The following JAK3 variants were observed in gnomAD, a reference collection of about 807,000 sequenced individuals.
JAK3 encodes the protein Janus kinase 3.
In JAK3, 88 loss-of-function variants were observed where a neutral mutation model predicts 120.8. The ratio of observed to expected loss-of-function variants is 0.73; its 90% CI spans 0.61 to 0.87. The LOEUF (loss-of-function observed/expected upper bound fraction) is 0.87. Among genes scored for constraint, JAK3 ranks in the 40% least tolerant of loss-of-function variants. JAK3 has a pLI of 0.00. For missense variants in JAK3, 1,254 were observed against 1,501.4 expected (o/e 0.84, Z 2.72); for synonymous variants, 592 against 628.6 (o/e 0.94, Z 0.87).
Position 17,843,993 on chromosome 19 carries a change from C to T in JAK3, c.185-93G>A. The T allele has an allele frequency of 6.6e-7, 1 of 1,503,894 alleles. No individual in the cohort carries two copies. Among genetic ancestry groups the T allele is most frequent in the Non-Finnish European group, 9.1e-7 (1 of 1,099,654 alleles). The allele number at this position is 1,503,894 out of a possible 1,614,324, so 93.2% of individuals were successfully genotyped here. Reference sequence around the variant, plus strand: ...TCATACCCAACCGTCCAGATCCTTCCATACCTCAAGGTATGACCAGCTGTT... The same window carrying T: ...TCATACCCAACCGTCCAGATCCTTCTATACCTCAAGGTATGACCAGCTGTT... On this transcript the variant is annotated intron_variant, in intron 2 of 23. Coordinates refer to ENST00000458235, the MANE Select transcript of JAK3 (RefSeq NM_000215.4). The surrounding 1 kb of genome is among the most constrained non-coding windows in gnomAD (Gnocchi z 5.4).
Position 17,840,317 on chromosome 19 carries a change from G to A in JAK3, c.1167C>T (p.Leu389=), listed in dbSNP as rs780734541. 1 of 1,613,828 alleles carries A rather than the reference G, an allele frequency of 6.2e-7. No individual in the cohort carries two copies. Among genetic ancestry groups the A allele is most frequent in the East Asian group, 2.2e-5 (1 of 44,866 alleles). ...PITLDFAINK[L]KTGGSRPGSY... Reference sequence around the variant, plus strand: ...AGCCAGGACGTGAGCCCCCAGTCTTGAGCTTGTTGATGGCAAAGTCCAGAC... The same window carrying A: ...AGCCAGGACGTGAGCCCCCAGTCTTAAGCTTGTTGATGGCAAAGTCCAGAC... The change falls in exon 9 of 24, where the codon CTC becomes CTT. Residue 389 remains leucine, a synonymous_variant. Coordinates refer to ENST00000458235, the MANE Select transcript of JAK3 (RefSeq NM_000215.4).
intron 10 of JAK3, 101 bp from the exon 11 acceptor site, chr19:17,838,491 G>A (rs959660766): frequency 1.6e-5 from 21 of 1,353,038 alleles, no homozygotes; most frequent in Non-Finnish European, 1.9e-5. Flanking sequence ...TCTAGAAGCC[G>A]ACCCTGAGAT....
rs2094215830 is a variant in JAK3, at chr19:17,832,283, A to C, written c.2680+236T>G. On this transcript the variant is annotated intron_variant, in intron 19 of 23. Coordinates refer to ENST00000458235, the MANE Select transcript of JAK3 (RefSeq NM_000215.4). This position sits in a 1 kb window ranked among gnomAD's most constrained non-coding sequence, Gnocchi z 4.7. ...CTCAAAAAAACAAACAAACAACAACAACAACAAAGTAAATATCACAATGGC... is the reference window on the plus strand; with the variant it reads ...CTCAAAAAAACAAACAAACAACAACCACAACAAAGTAAATATCACAATGGC... 6.6e-6 allele frequency among the ~76,000 whole-genome samples: 1 copy of C among 152,108 alleles called. No homozygotes were observed. Among genetic ancestry groups the C allele is most frequent in the Non-Finnish European group, 1.5e-5 (1 of 68,014 alleles).
At chr19:17,834,275 G>A (rs1027449278) in intron 17 of JAK3, among the ~76,000 whole-genome samples, 9 of 151,656 alleles carry the variant, frequency 5.9e-5, no homozygotes, top group Admixed American at 1.3e-4. Context: ...TGAACTAGAG[G>A]TTCAAGGAGG....
chr19:17,844,433 G>A lies in JAK3; in HGVS notation c.-13-3C>T. ...GAGGTGCCATGAGTGCAACTTGCCT[G>A]GGGCACAGAGAGAAAAAGCCCCTCA... On this transcript the variant is annotated splice_polypyrimidine_tract_variant and splice_region_variant and intron_variant, in intron 1 of 23. Coordinates refer to ENST00000458235, the MANE Select transcript of JAK3 (RefSeq NM_000215.4). 1 of 1,602,456 alleles carries A rather than the reference G, an allele frequency of 6.2e-7. No homozygotes were observed. The highest frequency in any genetic ancestry group is 8.5e-7 in the Non-Finnish European group (1 of 1,175,196).
intron 11 of JAK3, 27 bp from the exon 12 acceptor site, chr19:17,838,090 G>A (rs527593729): frequency 8.1e-6 from 13 of 1,614,056 alleles, no homozygotes; most frequent in African/African-American, 8.0e-5. Flanking sequence ...CAGCAGAAGA[G>A]GCCAGTGAGG....
intron 10 of JAK3, 124 bp from the exon 11 acceptor site, chr19:17,838,514 G>A (rs776047660): frequency 2.8e-5 from 29 of 1,031,428 alleles, no homozygotes; most frequent in Non-Finnish European, 3.6e-5. Context: ...AGACTTCAGG[G>A]CACATGGCTT....
Position 17,831,508 on chromosome 19 carries a change from C to A in JAK3, c.2806-108G>T. Reference sequence around the variant, plus strand: ...CAGACCCCAACTATAACCCTACCCCCGAGCCATCCTCCACTGAAGTTCTGA... The same window carrying A: ...CAGACCCCAACTATAACCCTACCCCAGAGCCATCCTCCACTGAAGTTCTGA... On this transcript the variant is annotated intron_variant, in intron 20 of 23. Coordinates refer to ENST00000458235, the MANE Select transcript of JAK3 (RefSeq NM_000215.4). The surrounding 1 kb of genome is among the most constrained non-coding windows in gnomAD (Gnocchi z 5.1). The A allele has an allele frequency of 9.2e-6, 14 of 1,529,828 alleles. No individual in the cohort carries two copies. The highest frequency in any genetic ancestry group is 1.2e-5 in the Non-Finnish European group (14 of 1,128,794). 94.8% of individuals were successfully genotyped at this position (1,529,828 alleles called of 1,614,324 possible).
Position 17,841,833 on chromosome 19 carries a change from C to T in JAK3, c.862-71G>A, listed in dbSNP as rs2094240022. ...GCCAAACCACGCCCATGAACCCACC[C>T]CCAAGCCACACCATCCACTCCCTAT... On this transcript the variant is annotated intron_variant, in intron 6 of 23. Coordinates refer to ENST00000458235, the MANE Select transcript of JAK3 (RefSeq NM_000215.4). This position sits in a 1 kb window ranked among gnomAD's most constrained non-coding sequence, Gnocchi z 4.1. The T allele has an allele frequency of 1.9e-6, 3 of 1,589,680 alleles. No individual in the cohort carries two copies. The highest frequency in any genetic ancestry group is 2.7e-5 in the African/African-American group (2 of 74,634).
At chr19:17,839,128 A>G in intron 10 of JAK3, 1 of 413,726 alleles carries the variant, frequency 2.4e-6, no homozygotes, top group Admixed American at 3.1e-5. Flanking sequence ...GGCACTGTGG[A>G]CAACCAGGGA....
intron 1 of JAK3, among the ~76,000 whole-genome samples, chr19:17,845,746 C>G (rs574404565): frequency 6.6e-6 from 1 of 152,164 alleles, no homozygotes; most frequent in East Asian, 1.9e-4. Context: ...AAGACCTTAT[C>G]TCTAGAAAAA....
Position 17,835,139 on chromosome 19 carries a change from G to T in JAK3, c.1991C>A (p.Pro664Gln). ...LLAREGADGS[P>Q]PFIKLSDPGV... ...AGGGTCACTCAGCTTGATGAAGGGCGGGCTCCCATCAGCCCCCTCCCGAGC... is the reference window on the plus strand; with the variant it reads ...AGGGTCACTCAGCTTGATGAAGGGCTGGCTCCCATCAGCCCCCTCCCGAGC... Residue 664 changes from proline to glutamine, a missense_variant, in exon 15 of 24, where the codon CCG becomes CAG. By Grantham distance (76) the Pro-to-Gln change is moderately conservative (BLOSUM62 -1). This residue lies in a region of JAK3 where 630 missense variants were observed against 819.8 expected (regional missense o/e 0.77). Transcript: ENST00000458235. 1 of 1,614,162 alleles carries T rather than the reference G, an allele frequency of 6.2e-7. No individual in the cohort carries two copies. The highest frequency in any genetic ancestry group is 8.5e-7 in the Non-Finnish European group (1 of 1,180,026).
At chr19:17,830,816 G>A (rs2094212594) in intron 21 of JAK3, among the ~76,000 whole-genome samples, 196 bp from the exon 22 acceptor site, 2 of 143,230 alleles carry the variant, frequency 1.4e-5, no homozygotes, top group African/African-American at 5.3e-5. Context: ...AGCTAAGGCT[G>A]TGGGGAGGAG....
At position 17,842,723 on chromosome 19, in the gene JAK3, C is replaced by T; in HGVS notation, c.567-113G>A. ...GGCTGGGGTGCGGCCCTAGTTGGGG[C>T]ACCAGGCACACACAGACTCTCATTC... On this transcript the variant is annotated intron_variant, in intron 5 of 23. Coordinates refer to ENST00000458235, the MANE Select transcript of JAK3 (RefSeq NM_000215.4). This position sits in a 1 kb window ranked among gnomAD's most constrained non-coding sequence, Gnocchi z 6.4. 1 of 1,111,586 alleles carries T rather than the reference C, an allele frequency of 9.0e-7. No individual in the cohort carries two copies. Among genetic ancestry groups the T allele is most frequent in the Non-Finnish European group, 1.3e-6 (1 of 795,262 alleles). 68.9% of individuals were successfully genotyped at this position (1,111,586 alleles called of 1,614,324 possible). A position where few individuals can be genotyped will look rare whatever the true frequency, so the allele number is the denominator to read the frequency against.
rs902524478 is a variant in JAK3 at position 17,832,895 on chromosome 19, G to A, written c.2385C>T (p.Ala795=). 1 of 1,614,210 alleles carries A rather than the reference G, an allele frequency of 6.2e-7. No individual in the cohort carries two copies. Among genetic ancestry groups the A allele is most frequent in the East Asian group, 2.2e-5 (1 of 44,882 alleles). ...YELLSDPTPG[A]LAPRDGLWNG... ...TCCACAGCCCATCACGAGGTGCCAG[G>A]GCACCAGGTGTGGGGTCTGAGAGGA... The change falls in exon 18 of 24, where the codon GCC becomes GCT. Residue 795 remains alanine (A), a synonymous_variant. Transcript: ENST00000458235. This position sits in a 1 kb window ranked among gnomAD's most constrained non-coding sequence, Gnocchi z 4.7.
rs772117537 is a variant in JAK3, at chr19:17,834,946, A to G, written c.2105T>C (p.Leu702Pro). ...APECLREAQTLSLEADKWGFG... is the reference protein window; with the variant it reads ...APECLREAQTPSLEADKWGFG... ...GCCCCACTTGTCAGCTTCCAAGCTA[A>G]GTGTCTGCGCCTCCCGGAGACACTC... Residue 702 changes from leucine to proline, a missense_variant, in exon 16 of 24, where the codon CTT (leucine) becomes CCT (proline). By Grantham distance (98) the Leu-to-Pro change is moderately conservative. Coordinates refer to ENST00000458235, the MANE Select transcript of JAK3 (RefSeq NM_000215.4). 1.9e-5 allele frequency: 31 copies of G among 1,614,046 alleles called. No homozygotes were observed. Among genetic ancestry groups the G allele is most frequent in the Non-Finnish European group, 2.5e-5 (29 of 1,180,044 alleles).
At chr19:17,827,385 T>C (rs546079357) in intron 23 of JAK3, among the ~76,000 whole-genome samples, 1 of 151,860 alleles carries the variant, frequency 6.6e-6, no homozygotes, top group East Asian at 2.0e-4. Flanking sequence ...TTCGCTCTTG[T>C]TGCCCAGGCT....
At position 17,842,167 on chromosome 19, in the gene JAK3, TCCCTCACTAAGCCCCGC is replaced by T; in HGVS notation, c.861+132_861+148del. The T allele has an allele frequency of 2.3e-6, 2 of 854,356 alleles. No individual in the cohort carries two copies. The highest frequency in any genetic ancestry group is 3.4e-6 in the Non-Finnish European group (2 of 582,644). The allele number at this position is 854,356 out of a possible 1,614,324, so 52.9% of individuals were successfully genotyped here. A position where few individuals can be genotyped will look rare whatever the true frequency, so the allele number is the denominator to read the frequency against. On this transcript the variant is annotated intron_variant, in intron 6 of 23. Coordinates refer to ENST00000458235, the MANE Select transcript of JAK3 (RefSeq NM_000215.4). This position sits in a 1 kb window ranked among gnomAD's most constrained non-coding sequence, Gnocchi z 6.4. ...TGCCCCTCCCATTCCCGCAGTCTCC[TCCCTCACTAAGCCCCGC>T]CCCTCATTAAGCCTCGCCCACTTCC...
At chr19:17,827,308 C>T (rs2094205664) in intron 23 of JAK3, among the ~76,000 whole-genome samples, 1 of 151,876 alleles carries the variant, frequency 6.6e-6, no homozygotes, top group Admixed American at 6.6e-5. Context: ...AATTCCATCC[C>T]ATCTCTGCTC....
Sources: allele counts gnomAD v4.1 joint callset (sites outside exome capture counted in the v4.1 genomes callset), GRCh38; gene constraint gnomAD v4.1.1; regional missense constraint gnomAD v4.1.1; non-coding constraint Gnocchi (gnomAD v3.1); transcripts MANE v1.5; gene names NCBI Gene and HGNC (gene_info 2026-07-23, HGNC 2026-07-21).